Variants in TOX observed in about 807,000 individuals in gnomAD.
TOX encodes thymocyte selection-associated high mobility group box protein TOX.
TOX carries 11 observed loss-of-function variants against 53.7 expected under a neutral mutation model. That is an observed-to-expected ratio of 0.20 (90% CI 0.13 to 0.34). TOX has a LOEUF of 0.34. Among genes scored for constraint, TOX ranks in the 10% least tolerant of loss-of-function variants. The pLI is 1.00. For missense variants in TOX, 570 were observed against 664.6 expected (o/e 0.86, Z 1.56); for synonymous variants, 225 against 245.3 (o/e 0.92, Z 0.77).
At chr8:59,091,008 T>C (rs1481465072) in intron 1 of TOX, among the ~76,000 whole-genome samples, 1 of 152,088 alleles carries the variant, frequency 6.6e-6, no homozygotes, top group African/African-American at 2.4e-5. Flanking sequence ...ATGTGCTCCT[T>C]CTCCAGCGGC....
intron 1 of TOX, among the ~76,000 whole-genome samples, chr8:59,066,342 G>A (rs990200364): frequency 3.3e-5 from 5 of 152,136 alleles, no homozygotes; most frequent in African/African-American, 1.2e-4. Context: ...TCTTTCATTA[G>A]CTTCCTTCTC....
At chr8:58,971,980 C>T (rs1025118696) in intron 1 of TOX, among the ~76,000 whole-genome samples, 1 of 152,172 alleles carries the variant, frequency 6.6e-6, no homozygotes, top group Admixed American at 6.5e-5. Flanking sequence ...CGTGAGCCAC[C>T]ATGCGCAGCC....
At position 58,976,323 on chromosome 8, in the gene TOX, G is replaced by T. The variant is rs185022929; in HGVS notation, c.103-16315C>A. Among the ~76,000 whole-genome samples the T allele has an allele frequency of 3.5e-3, 519 of 149,264 alleles. 3 individuals are homozygous for T. The highest frequency in any genetic ancestry group is 0.012 in the African/African-American group (490 of 41,332). ...TCTATCTGAAGAAACCACTCTCTTTGCTTATCCATATGAAGACTCCTCATC... is the reference window on the plus strand; with the variant it reads ...TCTATCTGAAGAAACCACTCTCTTTTCTTATCCATATGAAGACTCCTCATC... On this transcript the variant is annotated intron_variant, in intron 1 of 8. Coordinates refer to ENST00000361421, the MANE Select transcript of TOX (RefSeq NM_014729.3).
chr8:58,999,746 G>C (rs1813654382), intron 1 of TOX, among the ~76,000 whole-genome samples: 1 of 152,082 alleles, frequency 6.6e-6, no homozygotes, highest in Non-Finnish European at 1.5e-5. Context: ...GAGGTATGGG[G>C]AGCTATCAAG....
At chr8:59,044,600 C>T (rs1467188980) in intron 1 of TOX, among the ~76,000 whole-genome samples, 1 of 152,136 alleles carries the variant, frequency 6.6e-6, no homozygotes, top group Non-Finnish European at 1.5e-5. Flanking sequence ...CTTATTTCCC[C>T]AGAAATAGAT....
rs1370947241 is a variant in TOX, at chr8:58,806,663, G to A, written c.*1084C>T. On this transcript the variant is annotated 3_prime_UTR_variant, in exon 9 of 9. Coordinates refer to ENST00000361421, the MANE Select transcript of TOX (RefSeq NM_014729.3). Reference sequence around the variant, plus strand: ...TTAATTTGCTGCTAAATGAAAAGCAGGTTTGGCTTTATTCATGTTACTGTA... The same window carrying A: ...TTAATTTGCTGCTAAATGAAAAGCAAGTTTGGCTTTATTCATGTTACTGTA... The A allele has an allele frequency of 6.6e-6, 1 of 152,574 alleles. No individual in the cohort carries two copies. Among genetic ancestry groups the A allele is most frequent in the Admixed American group, 6.6e-5 (1 of 15,266 alleles). 9.5% of individuals were successfully genotyped at this position (152,574 alleles called of 1,614,324 possible). A position where few individuals can be genotyped will look rare whatever the true frequency, so the allele number is the denominator to read the frequency against.
At chr8:58,925,968 T>A (rs1812152666) in intron 3 of TOX, among the ~76,000 whole-genome samples, 1 of 152,120 alleles carries the variant, frequency 6.6e-6, no homozygotes, top group Non-Finnish European at 1.5e-5. Flanking sequence ...CATAAGAGGG[T>A]CTTGGTCCAC....
intron 4 of TOX, among the ~76,000 whole-genome samples, chr8:58,840,339 A>G (rs573708154): frequency 6.6e-6 from 1 of 152,320 alleles, no homozygotes; most frequent in Non-Finnish European, 1.5e-5. Flanking sequence ...CTTCCCTGAG[A>G]TGGATCAGAG....
chr8:59,092,272 T>TATATATAC (rs1225452462), intron 1 of TOX, among the ~76,000 whole-genome samples: 14 of 113,286 alleles, frequency 1.2e-4, no homozygotes, highest in South Asian at 4.5e-4. Flanking sequence ...ATTTTATATA[T>TATATATAC]ATATATATAT....
chr8:58,853,164 C>T (rs1488131841), intron 3 of TOX, among the ~76,000 whole-genome samples: 6 of 152,134 alleles, frequency 3.9e-5, no homozygotes, highest in Non-Finnish European at 8.8e-5. Flanking sequence ...AATTTCACTC[C>T]TTTAGCTCCT....
chr8:58,987,835 T>C (rs1054832795), intron 1 of TOX, among the ~76,000 whole-genome samples: 2 of 152,126 alleles, frequency 1.3e-5, no homozygotes, highest in African/African-American at 4.8e-5. Flanking sequence ...CAGATTCACC[T>C]CTCATCTCAT....
At chr8:58,811,872 A>G (rs1488218396) in intron 7 of TOX, among the ~76,000 whole-genome samples, 1 of 152,222 alleles carries the variant, frequency 6.6e-6, no homozygotes, top group East Asian at 1.9e-4. Context: ...AAATGAAACT[A>G]TTATTCCTGG....
chr8:58,849,205 T>C (rs959209136), intron 4 of TOX, among the ~76,000 whole-genome samples: 2 of 152,086 alleles, frequency 1.3e-5, no homozygotes, highest in East Asian at 3.9e-4. Context: ...GTGCATAGAA[T>C]TGGAATGAAG....
At chr8:59,112,671 G>C (rs1035989847) in intron 1 of TOX, among the ~76,000 whole-genome samples, 1 of 152,242 alleles carries the variant, frequency 6.6e-6, no homozygotes, top group Non-Finnish European at 1.5e-5. Context: ...AATACCTTGG[G>C]TAAACATGCA....
chr8:58,838,699 C>CTTTTTTTTTTTTTT lies in TOX; in HGVS notation c.694-402_694-389dup, dbSNP rs35347981. On this transcript the variant is annotated intron_variant, in intron 4 of 8. Transcript: ENST00000361421. ...TTTCTTCTAAGGAAGTTATCCTTGT[C>CTTTTTTTTTTTTTT]TTTTTTTTTTTTTTTTTTTTTGAGA... 3.4e-4 allele frequency among the ~76,000 whole-genome samples: 30 copies of CTTTTTTTTTTTTTT among 88,872 alleles called. 4 individuals are homozygous for CTTTTTTTTTTTTTT. The highest frequency in any genetic ancestry group is 1.4e-3 in the African/African-American group (23 of 16,726). The allele number at this position is 88,872 out of a possible 152,430, so 58.3% of individuals were successfully genotyped here.
intron 1 of TOX, among the ~76,000 whole-genome samples, chr8:59,040,447 G>A (rs1803559883): frequency 2.0e-5 from 3 of 151,908 alleles, no homozygotes; most frequent in Admixed American, 6.6e-5. Context: ...ATTAGGTACA[G>A]CAGTAACCTC....
At chr8:59,032,446 T>C (rs1333972618) in intron 1 of TOX, among the ~76,000 whole-genome samples, 1 of 152,248 alleles carries the variant, frequency 6.6e-6, no homozygotes, top group Admixed American at 6.5e-5. Flanking sequence ...TTCAGTTTTG[T>C]GACAGCTCCT....
chr8:59,054,596 C>T (rs573310631), intron 1 of TOX, among the ~76,000 whole-genome samples: 11 of 151,998 alleles, frequency 7.2e-5, no homozygotes, highest in African/African-American at 2.4e-4. Context: ...AGTAACATTT[C>T]CAGGAACAAC....
At chr8:59,112,765 T>C (rs1805038195) in intron 1 of TOX, among the ~76,000 whole-genome samples, 1 of 152,198 alleles carries the variant, frequency 6.6e-6, no homozygotes, top group African/African-American at 2.4e-5. Context: ...GTTAGGATCA[T>C]GAGAGCCACA....
Sources: allele counts gnomAD v4.1 joint callset (sites outside exome capture counted in the v4.1 genomes callset), GRCh38; gene constraint gnomAD v4.1.1; transcripts MANE v1.5; gene names NCBI Gene and HGNC (gene_info 2026-07-23, HGNC 2026-07-21).